Variants in TYR observed in about 807,000 individuals in gnomAD.
The protein encoded by TYR is LB24-AB.
In TYR, 58 loss-of-function variants were observed where a neutral mutation model predicts 51.5. The observed-to-expected ratio is 1.13, with a 90% CI of 0.91 to 1.40. The LOEUF is 1.40. TYR is among the 40% of genes most tolerant of loss of function. The pLI is 0.00. For synonymous variants in TYR, 263 were observed against 235.2 expected (o/e 1.12, Z -1.08); for missense variants, 732 against 647.4 (o/e 1.13, Z -1.42).
At chr11:89,286,428 C>A (rs1944787559) in intron 4 of TYR, among the ~76,000 whole-genome samples, 2 of 151,874 alleles carry the variant, frequency 1.3e-5, no homozygotes, top group South Asian at 4.2e-4. Context: ...TCTCAATGTG[C>A]CCTATGCATT....
chr11:89,225,643 T>A (rs1465426083), intron 2 of TYR, among the ~76,000 whole-genome samples: 1 of 151,904 alleles, frequency 6.6e-6, no homozygotes, highest in Non-Finnish European at 1.5e-5. Context: ...ATATGGATGA[T>A]GGAATCAAAT....
chr11:89,203,129 C>T (rs12099254), intron 2 of TYR, among the ~76,000 whole-genome samples: 3,848 of 152,240 alleles, frequency 0.025, 172 homozygotes, highest in African/African-American at 0.089. Context: ...ACTTGTTGAG[C>T]ACCTGATACC....
intron 2 of TYR, among the ~76,000 whole-genome samples, chr11:89,210,680 T>C (rs1466315810): frequency 1.3e-5 from 2 of 151,920 alleles, no homozygotes; most frequent in Non-Finnish European, 2.9e-5. Flanking sequence ...TTCACCAAGG[T>C]TGAAATGAAG....
rs180807507 is a variant in TYR, at chr11:89,236,176, C to T, written c.1184+8206C>T. 1.1e-4 allele frequency among the ~76,000 whole-genome samples: 16 copies of T among 151,904 alleles called. No homozygotes were observed. The East Asian group carries it at 2.1e-3, about 20-fold the overall frequency. On this transcript the variant is annotated intron_variant, in intron 3 of 4. Transcript: ENST00000263321. Reference sequence around the variant, plus strand: ...AAAATATTTAATAGCTAGCCGTTTGCAGAAAAAGTTTGGGGATCCCTGCCA... The same window carrying T: ...AAAATATTTAATAGCTAGCCGTTTGTAGAAAAAGTTTGGGGATCCCTGCCA...
At chr11:89,183,061 G>C (rs995767606) in intron 1 of TYR, among the ~76,000 whole-genome samples, 1 of 151,998 alleles carries the variant, frequency 6.6e-6, no homozygotes, top group Non-Finnish European at 1.5e-5. Flanking sequence ...TTATGAAAAA[G>C]ATTTTGTGGA....
intron 3 of TYR, among the ~76,000 whole-genome samples, chr11:89,248,984 G>A (rs1944300219): frequency 1.3e-5 from 2 of 152,208 alleles, no homozygotes; most frequent in South Asian, 4.1e-4. Flanking sequence ...ATAATTAGAA[G>A]CATTAGAGAG....
intron 2 of TYR, among the ~76,000 whole-genome samples, chr11:89,220,623 G>A (rs1170559431): frequency 1.3e-5 from 2 of 152,128 alleles, no homozygotes; most frequent in East Asian, 3.9e-4. Context: ...CGGGCGTGGC[G>A]GGTGCCTGTA....
intron 3 of TYR, among the ~76,000 whole-genome samples, chr11:89,263,065 A>G (rs1346425293): frequency 6.6e-6 from 1 of 151,810 alleles, no homozygotes; most frequent in African/African-American, 2.4e-5. Context: ...AGAAAACTAC[A>G]GAACAATAAC....
At chr11:89,259,806 T>C (rs1478232659) in intron 3 of TYR, among the ~76,000 whole-genome samples, 2 of 152,220 alleles carry the variant, frequency 1.3e-5, no homozygotes, top group African/African-American at 2.4e-5. Flanking sequence ...GACAGAACCA[T>C]ATGTAACTTC....
At chr11:89,208,506 G>T (rs1943704510) in intron 2 of TYR, among the ~76,000 whole-genome samples, 1 of 152,058 alleles carries the variant, frequency 6.6e-6, no homozygotes, top group Admixed American at 6.6e-5. Flanking sequence ...AAAAGACTTA[G>T]GGAGGACTTC....
At chr11:89,292,429 G>T (rs564317643) in intron 4 of TYR, among the ~76,000 whole-genome samples, 1 of 152,182 alleles carries the variant, frequency 6.6e-6, no homozygotes. Context: ...GAAATGCTAA[G>T]CCAGTAACAT....
Position 89,178,859 on chromosome 11 carries a change from C to T in TYR, c.819+87C>T, listed in dbSNP as rs1943264552. 9.9e-6 allele frequency: 13 copies of T among 1,311,864 alleles called. No individual in the cohort carries two copies. In the South Asian group the frequency reaches 1.3e-4, roughly 13 times the overall value. 81.3% of individuals were successfully genotyped at this position (1,311,864 alleles called of 1,614,324 possible). A position where few individuals can be genotyped will look rare whatever the true frequency, so the allele number is the denominator to read the frequency against. ...GCAGGGTATAAACTTCTCACCTGAA[C>T]ACTCATTGCAGCCCCCATCAAGGAC... is the stretch of plus-strand genomic sequence containing the variant. On this transcript the variant is annotated intron_variant, in intron 1 of 4. Transcript: ENST00000263321.
At chr11:89,238,805 T>A (rs552202986) in intron 3 of TYR, among the ~76,000 whole-genome samples, 1 of 152,304 alleles carries the variant, frequency 6.6e-6, no homozygotes, top group South Asian at 2.1e-4. Flanking sequence ...AAAAGGATGT[T>A]AAACTTGTTG....
At chr11:89,257,074 C>A (rs1944401553) in intron 3 of TYR, among the ~76,000 whole-genome samples, 1 of 151,912 alleles carries the variant, frequency 6.6e-6, no homozygotes, top group African/African-American at 2.4e-5. Context: ...TTCCTAGGGT[C>A]AAGAACAGTC....
At chr11:89,183,179 AT>A (rs1943324597) in intron 1 of TYR, among the ~76,000 whole-genome samples, 1 of 152,102 alleles carries the variant, frequency 6.6e-6, no homozygotes, top group South Asian at 2.1e-4. Context: ...ATTTCTTTAA[AT>A]TTAAGAGAAC....
chr11:89,293,336 T>TACACACAC (rs59899373), intron 4 of TYR, among the ~76,000 whole-genome samples: 15 of 147,730 alleles, frequency 1.0e-4, no homozygotes, highest in South Asian at 6.6e-4. Flanking sequence ...ATTTTATGCA[T>TACACACAC]ACACACACAC....
chr11:89,273,198 T>C (rs1228580903), intron 3 of TYR, among the ~76,000 whole-genome samples: 1 of 151,934 alleles, frequency 6.6e-6, no homozygotes, highest in African/African-American at 2.4e-5. Context: ...CTCTAATATT[T>C]ATCTAATATT....
chr11:89,243,429 C>G (rs1344549417), intron 3 of TYR, among the ~76,000 whole-genome samples: 1 of 152,130 alleles, frequency 6.6e-6, no homozygotes, highest in Admixed American at 6.6e-5. Flanking sequence ...GCAGCTTTCT[C>G]CACTTCCCCA....
At chr11:89,205,042 T>C (rs1943653604) in intron 2 of TYR, among the ~76,000 whole-genome samples, 1 of 151,764 alleles carries the variant, frequency 6.6e-6, no homozygotes, top group Admixed American at 6.6e-5. Flanking sequence ...ATGAAAAAAA[T>C]AGAATGACTT....
Sources: allele counts gnomAD v4.1 joint callset (sites outside exome capture counted in the v4.1 genomes callset), GRCh38; gene constraint gnomAD v4.1.1; transcripts MANE v1.5; gene names NCBI Gene and HGNC (gene_info 2026-07-23, HGNC 2026-07-21).